AK1: variants seen among roughly 807,000 people sequenced by gnomAD.
AK1 encodes adenylate kinase isoenzyme 1.
A neutral mutation model predicts 23.9 loss-of-function variants in AK1; 13 were observed. That is an observed-to-expected ratio of 0.54 (90% CI 0.35 to 0.86). AK1 has a LOEUF of 0.86. Ranked by LOEUF, AK1 falls within the 40% of genes least tolerant of loss-of-function variation. AK1 has a pLI of 0.01. For missense variants in AK1, 214 were observed against 255.1 expected (o/e 0.84, Z 1.10); for synonymous variants, 97 against 102.8 (o/e 0.94, Z 0.34).
chr9:127,876,297 G>C (rs961034014), intron 1 of AK1, among the ~76,000 whole-genome samples: 1 of 152,224 alleles, frequency 6.6e-6, no homozygotes, highest in East Asian at 1.9e-4. Flanking sequence ...TGCGGGCCTG[G>C]GATCCCATTG....
chr9:127,875,817 C>T (rs992453585), intron 1 of AK1, among the ~76,000 whole-genome samples: 2 of 152,106 alleles, frequency 1.3e-5, no homozygotes, highest in African/African-American at 2.4e-5. Context: ...GCCCAACCCT[C>T]CCCTCCCCAG....
At chr9:127,873,869 G>A in intron 2 of AK1, 1 of 985,396 alleles carries the variant, frequency 1.0e-6, no homozygotes, top group South Asian at 4.7e-5. Context: ...GCCCCTCTCT[G>A]GTTCTCTGCC....
chr9:127,873,326 G>A, intron 2 of AK1: 1 of 1,539,764 alleles, frequency 6.5e-7, no homozygotes, highest in South Asian at 1.2e-5. Context: ...TCTCCACACA[G>A]CCAGCGGGCT....
chr9:127,873,466 T>C, intron 2 of AK1: 1 of 1,501,142 alleles, frequency 6.7e-7, no homozygotes, highest in Non-Finnish European at 8.9e-7. Flanking sequence ...TCCTGCCGTG[T>C]CTCCTGTGCA....
At chr9:127,873,837 C>T (rs1277233947) in intron 2 of AK1, 1 of 985,298 alleles carries the variant, frequency 1.0e-6, no homozygotes, top group Admixed American at 6.1e-5. Flanking sequence ...TCCCACCTTG[C>T]TGTGTGACTT....
chr9:127,872,620 T>C (rs1000334867), intron 4 of AK1, 70 bp downstream of exon 4: 14 of 1,602,492 alleles, frequency 8.7e-6, no homozygotes, highest in African/African-American at 2.7e-5. Flanking sequence ...CCGTGGGCTT[T>C]GCTGCTGGTG....
At chr9:127,869,031 A>G (rs1331384772) in intron 5 of AK1, among the ~76,000 whole-genome samples, 1 of 152,112 alleles carries the variant, frequency 6.6e-6, no homozygotes, top group African/African-American at 2.4e-5. Context: ...GCAGGGAGGC[A>G]CTTGTCTCAC....
intron 1 of AK1, among the ~76,000 whole-genome samples, chr9:127,876,882 C>T (rs1042924951): frequency 9.2e-5 from 14 of 152,304 alleles, no homozygotes; most frequent in Middle Eastern, 3.4e-3. Context: ...CCTGTGGGGC[C>T]GAAGCCCAGA....
intron 3 of AK1, 71 bp downstream of exon 3, chr9:127,872,955 A>C: frequency 6.2e-7 from 1 of 1,613,370 alleles, no homozygotes. Context: ...CCCAGGGTGC[A>C]GCCCCAGGCC....
chr9:127,873,876 T>C, intron 2 of AK1: 1 of 985,378 alleles, frequency 1.0e-6, no homozygotes, highest in Non-Finnish European at 1.2e-6. Context: ...TCTGGTTCTC[T>C]GCCCCTTCCC....
chr9:127,868,078 T>C lies in AK1; in HGVS notation c.517-2A>G. On this transcript the variant is annotated splice_acceptor_variant, in intron 6 of 6. Transcript: ENST00000644144. LOFTEE classifies it high-confidence loss of function. This position sits in a 1 kb window ranked among gnomAD's most constrained non-coding sequence, Gnocchi z 4.1. Reference sequence around the variant, plus strand: ...GTCCACGGAGCCCTCAGCGTTGACCTGTGGGGAGATGGGCCGTGAGGGCTG... The same window carrying C: ...GTCCACGGAGCCCTCAGCGTTGACCCGTGGGGAGATGGGCCGTGAGGGCTG... 1 of 1,613,936 alleles carries C rather than the reference T, an allele frequency of 6.2e-7. No homozygotes were observed. Among genetic ancestry groups the C allele is most frequent in the Admixed American group, 1.7e-5 (1 of 60,008 alleles).
At chr9:127,870,513 CTA>C (rs1313080632) in intron 5 of AK1, among the ~76,000 whole-genome samples, 2 of 151,606 alleles carry the variant, frequency 1.3e-5, no homozygotes, top group Non-Finnish European at 2.9e-5. Context: ...TTCATTAACT[CTA>C]TTTTCTAGAT....
chr9:127,875,498 C>T (rs1417064170), intron 1 of AK1, among the ~76,000 whole-genome samples: 2 of 151,566 alleles, frequency 1.3e-5, no homozygotes, highest in African/African-American at 4.9e-5. Flanking sequence ...ACCACCACAG[C>T]CACACTCCCC....
In AK1 at chr9:127,871,059, G is replaced by A. The variant is rs1437376020; in HGVS notation, c.324+764C>T. On this transcript the variant is annotated intron_variant, in intron 5 of 6. Transcript: ENST00000644144. This position sits in a 1 kb window ranked among gnomAD's most constrained non-coding sequence, Gnocchi z 4.4. ...CTGCGTCCGTGACATGCATGTGCAG[G>A]AGTGCAGTATCCACTGCCGTGTGTG... Among the ~76,000 whole-genome samples the A allele has an allele frequency of 1.3e-5, 2 of 151,868 alleles. No individual in the cohort carries two copies. Among genetic ancestry groups the A allele is most frequent in the Non-Finnish European group, 2.9e-5 (2 of 68,050 alleles).
Position 127,871,010 on chromosome 9 carries a change from C to T in AK1, c.324+813G>A, listed in dbSNP as rs945524220. ...GTGCACAGGGCCATGTGTGCGAGCA[C>T]GTGTGCATTCCTGCATATGTGTGCT... On this transcript the variant is annotated intron_variant, in intron 5 of 6. Transcript: ENST00000644144. This position sits in a 1 kb window ranked among gnomAD's most constrained non-coding sequence, Gnocchi z 4.4. Among the ~76,000 whole-genome samples, 3 of 151,806 alleles carry T rather than the reference C, an allele frequency of 2.0e-5. No individual in the cohort carries two copies. The highest frequency in any genetic ancestry group is 4.9e-5 in the African/African-American group (2 of 41,038).
chr9:127,870,945 C>A (rs533637372), intron 5 of AK1, among the ~76,000 whole-genome samples: 1 of 151,734 alleles, frequency 6.6e-6, no homozygotes, highest in African/African-American at 2.4e-5. Context: ...GTTTATTTCT[C>A]CCATACAGCC....
intron 1 of AK1, among the ~76,000 whole-genome samples, chr9:127,876,723 G>A (rs1829546362): frequency 7.5e-6 from 1 of 132,988 alleles, no homozygotes; most frequent in Non-Finnish European, 1.5e-5. Flanking sequence ...CCACTTCCTT[G>A]ATCCAAAATA....
In AK1 at chr9:127,874,279, G is replaced by A. The variant is rs41305503; in HGVS notation, c.7+332C>T. The stretch of plus-strand genomic sequence containing the variant: ...GGGAAACTGAGTCCCGGAGAGGTAC[G>A]GGGAATTGCCTTGTCCTCATTAGAC... On this transcript the variant is annotated intron_variant, in intron 2 of 6. Coordinates refer to ENST00000644144, the MANE Select transcript of AK1 (RefSeq NM_000476.3). The A allele has an allele frequency of 2.7e-4, 269 of 985,416 alleles. 1 individual carries two copies. The highest frequency in any genetic ancestry group is 3.1e-4 in the Non-Finnish European group (254 of 829,912). 61.0% of individuals were successfully genotyped at this position (985,416 alleles called of 1,614,324 possible).
chr9:127,868,113 G>C lies in AK1; in HGVS notation c.517-37C>G. On this transcript the variant is annotated intron_variant, in intron 6 of 6. Coordinates refer to ENST00000644144, the MANE Select transcript of AK1 (RefSeq NM_000476.3). The surrounding 1 kb of genome is among the most constrained non-coding windows in gnomAD (Gnocchi z 4.1). ...TGGGCCGTGAGGGCTGAGTCACCAG[G>C]TGGAGTGGGGTGGGCCTCACCATGG... 1.2e-6 allele frequency: 2 copies of C among 1,607,496 alleles called. No individual in the cohort carries two copies. The highest frequency in any genetic ancestry group is 1.7e-6 in the Non-Finnish European group (2 of 1,174,136).
Sources: allele counts gnomAD v4.1 joint callset (sites outside exome capture counted in the v4.1 genomes callset), GRCh38; gene constraint gnomAD v4.1.1; non-coding constraint Gnocchi (gnomAD v3.1); transcripts MANE v1.5; gene names NCBI Gene and HGNC (gene_info 2026-07-23, HGNC 2026-07-21).